ARMH3: variants seen among roughly 807,000 people sequenced by gnomAD.
The protein encoded by ARMH3 is armadillo-like helical domain-containing protein 3.
ARMH3 carries 60 observed loss-of-function variants against 99.1 expected under a neutral mutation model. The ratio of observed to expected loss-of-function variants is 0.61; its 90% CI spans 0.49 to 0.75. ARMH3 has a LOEUF of 0.75. Ranked by LOEUF, ARMH3 falls within the 30% of genes least tolerant of loss-of-function variation. The pLI is 0.00. For missense variants in ARMH3, 679 were observed against 843.1 expected (o/e 0.81, Z 2.41); for synonymous variants, 285 against 292.8 (o/e 0.97, Z 0.27).
At chr10:102,051,670 C>G (rs1430470611) in intron 1 of ARMH3, among the ~76,000 whole-genome samples, 1 of 152,070 alleles carries the variant, frequency 6.6e-6, no homozygotes, top group East Asian at 1.9e-4. Context: ...CAGCCTATAC[C>G]TGAAAATGGA....
intron 24 of ARMH3, among the ~76,000 whole-genome samples, chr10:101,855,765 TATAA>T (rs1237541407): frequency 6.8e-6 from 1 of 147,290 alleles, no homozygotes. Flanking sequence ...ATGTATTATA[TATAA>T]ATATATTATA....
At chr10:102,028,924 T>C (rs2067061434) in intron 5 of ARMH3, among the ~76,000 whole-genome samples, 1 of 152,306 alleles carries the variant, frequency 6.6e-6, no homozygotes, top group East Asian at 1.9e-4. Context: ...CAGCCTGGAG[T>C]GCAGTGGCAT....
chr10:101,969,451 G>T (rs1287191899), intron 20 of ARMH3, among the ~76,000 whole-genome samples: 1 of 152,174 alleles, frequency 6.6e-6, no homozygotes, highest in African/African-American at 2.4e-5. Flanking sequence ...CCTTTCTCTT[G>T]AAAAATTTCA....
At chr10:101,859,427 C>G (rs1387434468) in intron 24 of ARMH3, among the ~76,000 whole-genome samples, 6 of 152,190 alleles carry the variant, frequency 3.9e-5, no homozygotes, top group Non-Finnish European at 7.3e-5. Context: ...GGGCAATCAC[C>G]TGAAAGGCAG....
chr10:101,964,373 G>A (rs909914874), intron 20 of ARMH3, among the ~76,000 whole-genome samples: 3 of 151,988 alleles, frequency 2.0e-5, no homozygotes, highest in Admixed American at 6.5e-5. Context: ...ATAATTAAAC[G>A]CACACAATCT....
rs760197202 is a variant in ARMH3, at chr10:102,006,527, G to C, written c.1048+13C>G. 1.2e-6 allele frequency: 2 copies of C among 1,607,752 alleles called. No individual in the cohort carries two copies. The highest frequency in any genetic ancestry group is 1.7e-6 in the Non-Finnish European group (2 of 1,174,346). On this transcript the variant is annotated intron_variant, in intron 14 of 25. Coordinates refer to ENST00000370033, the MANE Select transcript of ARMH3 (RefSeq NM_024541.3). ...CATATTAACCAAGAAAAACAAAGTG[G>C]TGGTGGGCTCACCATCAGAGGAAGG...
In ARMH3 at chr10:101,991,992, C is replaced by T. The variant is rs763192348; in HGVS notation, c.1322G>A (p.Arg441His). The change falls in exon 18 of 26, where the codon CGT becomes CAT. Residue 441 changes from arginine to histidine, a missense_variant. Physicochemically the swap from Arg to His is conservative, Grantham distance 29 (BLOSUM62 0). Around this residue, in one of 3 missense-constraint regions of ARMH3, gnomAD observed 389 missense variants for 456.5 expected, o/e 0.85. Transcript: ENST00000370033. ...KKAADKNLPC[R>H]PLVCAVLDLM... Reference sequence around the variant, plus strand: ...ACCCAGTACTGCACATACTAAAGGACGGCAGGGAAGATTCTTGTCTGCTGC... The same window carrying T: ...ACCCAGTACTGCACATACTAAAGGATGGCAGGGAAGATTCTTGTCTGCTGC... 27 of 1,613,950 alleles carry T rather than the reference C, an allele frequency of 1.7e-5. No homozygotes were observed. Among genetic ancestry groups the T allele is most frequent in the Non-Finnish European group, 1.9e-5 (23 of 1,179,984 alleles).
intron 20 of ARMH3, among the ~76,000 whole-genome samples, chr10:101,967,662 G>A (rs1238759607): frequency 6.6e-6 from 1 of 152,180 alleles, no homozygotes; most frequent in Admixed American, 6.5e-5. Context: ...GCTTGAACCA[G>A]GGAGGCAGAG....
intron 13 of ARMH3, among the ~76,000 whole-genome samples, chr10:102,007,168 A>G (rs1164431101): frequency 1.3e-5 from 2 of 149,352 alleles, no homozygotes; most frequent in African/African-American, 2.4e-5. Context: ...TCAAAAAAAA[A>G]AAAAAAAAAA....
chr10:101,992,816 C>A (rs894183603), intron 17 of ARMH3, among the ~76,000 whole-genome samples: 1 of 151,682 alleles, frequency 6.6e-6, no homozygotes, highest in African/African-American at 2.4e-5. Flanking sequence ...TTTTAACATA[C>A]CTCCAAGCTT....
intron 23 of ARMH3, among the ~76,000 whole-genome samples, chr10:101,914,136 GTATC>G (rs914104783): frequency 3.0e-4 from 46 of 152,244 alleles, no homozygotes; most frequent in Non-Finnish European, 5.7e-4. Flanking sequence ...GAAGTGCTGT[GTATC>G]TATTATGAAT....
intron 24 of ARMH3, among the ~76,000 whole-genome samples, chr10:101,880,474 C>T (rs932698605): frequency 6.6e-6 from 1 of 152,200 alleles, no homozygotes; most frequent in Non-Finnish European, 1.5e-5. Flanking sequence ...TTCTTACAGT[C>T]TTCCTCAACA....
chr10:101,943,402 A>T (rs1844330105), intron 22 of ARMH3, among the ~76,000 whole-genome samples: 1 of 151,678 alleles, frequency 6.6e-6, no homozygotes. Flanking sequence ...AGTATCAGGC[A>T]GGTTCTGGAA....
At chr10:102,023,614 AAC>A in intron 7 of ARMH3, 51 bp from the exon 8 acceptor site, 1 of 1,609,982 alleles carries the variant, frequency 6.2e-7, no homozygotes, top group South Asian at 1.1e-5. Context: ...GGTTCCTGAG[AAC>A]ACAGAGAAAA....
At chr10:101,865,427 T>C (rs531968572) in intron 24 of ARMH3, among the ~76,000 whole-genome samples, 67 of 152,230 alleles carry the variant, frequency 4.4e-4, no homozygotes, top group Admixed American at 1.4e-3. Context: ...TAAGCAAACG[T>C]AAAGAGGCAG....
Position 102,009,369 on chromosome 10 carries a change from C to T in ARMH3, c.954+5G>A. 1 of 1,611,094 alleles carries T rather than the reference C, an allele frequency of 6.2e-7. No individual in the cohort carries two copies. The highest frequency in any genetic ancestry group is 1.3e-5 in the African/African-American group (1 of 74,920). ...AAAAACACTGGGATTTTTAATGTGA[C>T]CAACCTGAGCTAATACTGTGATGAA... is the stretch of plus-strand genomic sequence containing the variant. On this transcript the variant is annotated splice_donor_5th_base_variant and intron_variant, in intron 13 of 25. Coordinates refer to ENST00000370033, the MANE Select transcript of ARMH3 (RefSeq NM_024541.3).
At chr10:101,876,171 C>T (rs1324624334) in intron 24 of ARMH3, among the ~76,000 whole-genome samples, 3 of 150,330 alleles carry the variant, frequency 2.0e-5, no homozygotes, top group African/African-American at 7.4e-5. Flanking sequence ...ATTGCTTGAA[C>T]CCGGAAGGCG....
intron 20 of ARMH3, among the ~76,000 whole-genome samples, chr10:101,966,182 T>G (rs1408851037): frequency 6.8e-6 from 1 of 147,584 alleles, no homozygotes; most frequent in Non-Finnish European, 1.5e-5. Flanking sequence ...CCCGGCTCAC[T>G]GCAACCTCCA....
At chr10:101,905,850 C>G (rs955587799) in intron 23 of ARMH3, among the ~76,000 whole-genome samples, 1 of 152,222 alleles carries the variant, frequency 6.6e-6, no homozygotes, top group African/African-American at 2.4e-5. Context: ...TACCTACCAT[C>G]TAATTGTAGA....
Sources: gnomAD v4.1 joint callset for allele counts (sites outside exome capture counted in the v4.1 genomes callset) on GRCh38, gnomAD v4.1.1 for gene constraint, gnomAD v4.1.1 regional missense constraint, MANE v1.5 for transcripts, NCBI Gene and HGNC (gene_info 2026-07-23, HGNC 2026-07-21) for gene names.